Variants in SLC9A9 observed in about 807,000 individuals in gnomAD.
SLC9A9 encodes sodium/hydrogen exchanger 9.
In SLC9A9, 62 loss-of-function variants were observed where a neutral mutation model predicts 77.8. The ratio of observed to expected loss-of-function variants is 0.80; its 90% CI spans 0.65 to 0.98. The LOEUF is 0.98. Among genes scored for constraint, SLC9A9 ranks in the 50% least tolerant of loss-of-function variants. The pLI, the probability that SLC9A9 is intolerant of heterozygous loss-of-function variation, is 0.00. For synonymous variants in SLC9A9, 320 were observed against 283.5 expected (o/e 1.13, Z -1.29); for missense variants, 775 against 774.9 (o/e 1.00, Z 0.00).
At chr3:143,291,289 T>A (rs2029942076) in intron 14 of SLC9A9, among the ~76,000 whole-genome samples, 1 of 152,202 alleles carries the variant, frequency 6.6e-6, no homozygotes, top group African/African-American at 2.4e-5. Flanking sequence ...TTTCTGCTCG[T>A]CGAAGTGCTA....
chr3:143,454,220 C>T (rs1363998536), intron 12 of SLC9A9, among the ~76,000 whole-genome samples: 7 of 152,162 alleles, frequency 4.6e-5, no homozygotes. Context: ...CCTTATAATA[C>T]ACTGCTAAAG....
intron 13 of SLC9A9, among the ~76,000 whole-genome samples, chr3:143,375,145 C>A (rs115009662): frequency 6.6e-6 from 1 of 152,288 alleles, no homozygotes; most frequent in South Asian, 2.1e-4. Flanking sequence ...CAAGTACACA[C>A]GGAATATTCA....
intron 9 of SLC9A9, among the ~76,000 whole-genome samples, chr3:143,536,653 C>T (rs1158766610): frequency 6.6e-6 from 1 of 152,148 alleles, no homozygotes; most frequent in African/African-American, 2.4e-5. Context: ...TGTGGGACTG[C>T]CTTCCCATAT....
chr3:143,472,047 C>T (rs749635673), intron 11 of SLC9A9, among the ~76,000 whole-genome samples: 38 of 152,270 alleles, frequency 2.5e-4, no homozygotes, highest in Admixed American at 5.2e-4. Context: ...GAAGGTCAGA[C>T]ATAACTAAAC....
chr3:143,662,151 A>G (rs1467215977), intron 5 of SLC9A9, among the ~76,000 whole-genome samples: 1 of 152,222 alleles, frequency 6.6e-6, no homozygotes, highest in Non-Finnish European at 1.5e-5. Context: ...AAGGTCAGGC[A>G]AGGAGAGAAA....
At chr3:143,695,669 G>T (rs7651856) in intron 4 of SLC9A9, among the ~76,000 whole-genome samples, 65,356 of 151,986 alleles carry the variant, frequency 0.43, 14,238 homozygotes, top group South Asian at 0.6. Flanking sequence ...CTTTATAGCA[G>T]AATGATTTAC....
intron 6 of SLC9A9, among the ~76,000 whole-genome samples, chr3:143,615,079 C>A (rs2038081866): frequency 6.6e-6 from 1 of 152,128 alleles, no homozygotes; most frequent in South Asian, 2.1e-4. Context: ...CTGCTGGCAG[C>A]AGCCCATGAA....
chr3:143,323,474 GAC>G (rs1296686743), intron 14 of SLC9A9, among the ~76,000 whole-genome samples: 4 of 152,184 alleles, frequency 2.6e-5, no homozygotes, highest in Non-Finnish European at 5.9e-5. Flanking sequence ...GCCACAGAAA[GAC>G]AGATACTGCT....
At chr3:143,383,829 G>C (rs1027533526) in intron 12 of SLC9A9, among the ~76,000 whole-genome samples, 2 of 152,168 alleles carry the variant, frequency 1.3e-5, no homozygotes, top group Non-Finnish European at 2.9e-5. Flanking sequence ...CAGTCCTGCT[G>C]TTGGGGTGGG....
At position 143,363,115 on chromosome 3, in the gene SLC9A9, C is replaced by G. The variant is rs146813061; in HGVS notation, c.1604+369G>C. ...TTGGCTGGGTTACCCTGGCCAGAGG[C>G]TGCTGAGACTGTTCATACAATGCCC... On this transcript the variant is annotated intron_variant, in intron 14 of 15. Coordinates refer to ENST00000316549, the MANE Select transcript of SLC9A9 (RefSeq NM_173653.4). 2.7e-4 allele frequency among the ~76,000 whole-genome samples: 41 copies of G among 152,278 alleles called. 1 individual carries two copies. The highest frequency in any genetic ancestry group is 9.9e-4 in the African/African-American group (41 of 41,554).
intron 14 of SLC9A9, among the ~76,000 whole-genome samples, chr3:143,326,844 C>G (rs557778656): frequency 6.6e-6 from 1 of 152,304 alleles, no homozygotes; most frequent in South Asian, 2.1e-4. Flanking sequence ...ACTTAGTAGG[C>G]ACTAAATAAA....
chr3:143,660,751 G>A (rs889877286), intron 5 of SLC9A9, among the ~76,000 whole-genome samples: 4 of 152,168 alleles, frequency 2.6e-5, no homozygotes, highest in African/African-American at 9.7e-5. Context: ...TTAATGAGTG[G>A]AGATGTGGCT....
At chr3:143,814,924 AC>A (rs1426933019) in intron 2 of SLC9A9, among the ~76,000 whole-genome samples, 1 of 152,164 alleles carries the variant, frequency 6.6e-6, no homozygotes, top group East Asian at 1.9e-4. Context: ...CAAGGTAGGA[AC>A]AGTGGGCTCT....
At chr3:143,725,166 T>C (rs1477211820) in intron 4 of SLC9A9, among the ~76,000 whole-genome samples, 1 of 152,220 alleles carries the variant, frequency 6.6e-6, no homozygotes, top group Non-Finnish European at 1.5e-5. Context: ...TCTTTTTCTT[T>C]ATTCTAGCCT....
chr3:143,539,682 A>G (rs2036652662), intron 9 of SLC9A9, among the ~76,000 whole-genome samples: 1 of 152,176 alleles, frequency 6.6e-6, no homozygotes, highest in South Asian at 2.1e-4. Context: ...TAGAAATTTT[A>G]AGGTAATAGT....
chr3:143,470,945 A>G (rs1334932652), intron 11 of SLC9A9, among the ~76,000 whole-genome samples: 2 of 152,182 alleles, frequency 1.3e-5, no homozygotes, highest in East Asian at 3.8e-4. Context: ...TAGAACATCT[A>G]TATTTACAGG....
At chr3:143,320,159 A>G (rs189303514) in intron 14 of SLC9A9, among the ~76,000 whole-genome samples, 25 of 152,178 alleles carry the variant, frequency 1.6e-4, no homozygotes, top group Admixed American at 1.2e-3. Flanking sequence ...GCCACTCTCT[A>G]CTACACCAAT....
intron 1 of SLC9A9, among the ~76,000 whole-genome samples, chr3:143,837,485 C>T (rs1295556219): frequency 6.6e-6 from 1 of 152,190 alleles, no homozygotes; most frequent in African/African-American, 2.4e-5. Flanking sequence ...ATTCATGAGG[C>T]ATCGCCAATT....
chr3:143,834,237 C>T (rs945646093), intron 1 of SLC9A9, among the ~76,000 whole-genome samples: 2 of 152,072 alleles, frequency 1.3e-5, no homozygotes, highest in Non-Finnish European at 2.9e-5. Flanking sequence ...GATACGTAAC[C>T]CTCACTGAGT....
Sources: allele counts gnomAD v4.1 joint callset (sites outside exome capture counted in the v4.1 genomes callset), GRCh38; gene constraint gnomAD v4.1.1; transcripts MANE v1.5; gene names NCBI Gene and HGNC (gene_info 2026-07-23, HGNC 2026-07-21).